CDKN2A: variants seen among roughly 807,000 people sequenced by gnomAD.
CDKN2A encodes cyclin-dependent kinase inhibitor 2A.
A neutral mutation model predicts 11.1 loss-of-function variants in CDKN2A; 3 were observed. The observed-to-expected ratio is 0.27, with a 90% CI of 0.12 to 0.70. CDKN2A has a LOEUF of 0.70. Ranked by LOEUF, CDKN2A falls within the 30% of genes least tolerant of loss-of-function variation. The pLI, the probability that CDKN2A is intolerant of heterozygous loss-of-function variation, is 0.77. For missense variants in CDKN2A, 265 were observed against 233.6 expected (o/e 1.13, Z -0.88); for synonymous variants, 122 against 108.1 (o/e 1.13, Z -0.80).
intron 2 of CDKN2A, chr9:21,992,096 T>C (rs1362963870): frequency 2.3e-6 from 2 of 866,294 alleles, no homozygotes; most frequent in African/African-American, 1.8e-5. Flanking sequence ...TTTCCAATCA[T>C]ATAAAAATAA....
At chr9:21,974,991 G>A, upstream of CDKN2A, 1 of 1,389,144 alleles carries the variant, frequency 7.2e-7, no homozygotes, top group South Asian at 1.7e-5. This position sits in a 1 kb window ranked among gnomAD's most constrained non-coding sequence, Gnocchi z 5.2. Context: ...TGGAGGGACC[G>A]CGGTATCTTT....
chr9:21,974,638 G>A lies in CDKN2A; in HGVS notation c.150+40C>T, dbSNP rs1057517604. ...CCTGCAAACTTCGTCCTCCAGAGTC[G>A]CCCGCCATCCCCTGCTCCCGCTGCA... On this transcript the variant is annotated intron_variant, in intron 1 of 2. Coordinates refer to ENST00000304494, the MANE Select transcript of CDKN2A (RefSeq NM_000077.5). This position sits in a 1 kb window ranked among gnomAD's most constrained non-coding sequence, Gnocchi z 5.2. 3.1e-6 allele frequency: 5 copies of A among 1,614,118 alleles called. No homozygotes were observed. Among genetic ancestry groups the A allele is most frequent in the Non-Finnish European group, 4.2e-6 (5 of 1,180,020 alleles).
At chr9:21,994,613 G>A (rs147349938) in intron 1 of CDKN2A, 2 of 558,224 alleles carry the variant, frequency 3.6e-6, no homozygotes, top group East Asian at 7.6e-5. Context: ...CGCCCGTAGG[G>A]AGGCGCGCGC....
At chr9:21,983,581 C>G (rs939888412) in intron 2 of CDKN2A, among the ~76,000 whole-genome samples, 1 of 151,930 alleles carries the variant, frequency 6.6e-6, no homozygotes, top group Non-Finnish European at 1.5e-5. Context: ...GTAGAAGGCT[C>G]TTGAATATAT....
Position 21,968,349 on chromosome 9 carries a change from G to C in CDKN2A, c.458-107C>G, listed in dbSNP as rs1176787238. ...CCCTACCGGCATTGAAATACTTATG[G>C]ATAAAGTTCTCGCAATGGCTTCACG... On this transcript the variant is annotated intron_variant, in intron 2 of 2. Transcript: ENST00000304494. The surrounding 1 kb of genome is among the most constrained non-coding windows in gnomAD (Gnocchi z 4.7). The C allele has an allele frequency of 3.9e-6, 6 of 1,526,516 alleles. No individual in the cohort carries two copies. The highest frequency in any genetic ancestry group is 1.4e-5 in the African/African-American group (1 of 73,202). The allele number at this position is 1,526,516 out of a possible 1,614,324, so 94.6% of individuals were successfully genotyped here. A position where few individuals can be genotyped will look rare whatever the true frequency, so the allele number is the denominator to read the frequency against.
rs1467009238 is a variant in CDKN2A at position 21,974,304 on chromosome 9, G to A, written c.150+374C>T. On this transcript the variant is annotated intron_variant, in intron 1 of 2. Transcript: ENST00000304494. This position sits in a 1 kb window ranked among gnomAD's most constrained non-coding sequence, Gnocchi z 5.2. ...AAAGATAAGCTCCATCCAGGTATCT[G>A]TGAATTGGAGGCTAAGTAGTCCCAG... 2.7e-5 allele frequency: 25 copies of A among 920,314 alleles called. No homozygotes were observed. Among genetic ancestry groups the A allele is most frequent in the Non-Finnish European group, 3.5e-5 (23 of 656,226 alleles). The allele number at this position is 920,314 out of a possible 1,614,324, so 57.0% of individuals were successfully genotyped here.
chr9:21,968,205 T>A lies in CDKN2A; in HGVS notation c.*24A>T, dbSNP rs752197727. On this transcript the variant is annotated 3_prime_UTR_variant, in exon 3 of 3. Transcript: ENST00000304494. The surrounding 1 kb of genome is among the most constrained non-coding windows in gnomAD (Gnocchi z 4.7). ...GACTGATGATCTAAGTTTCCCGAGGTTTCTCAGAGCCTCTCTGGTTCTTTC... is the reference window on the plus strand; with the variant it reads ...GACTGATGATCTAAGTTTCCCGAGGATTCTCAGAGCCTCTCTGGTTCTTTC... 9.3e-6 allele frequency: 15 copies of A among 1,609,090 alleles called. No homozygotes were observed. Among genetic ancestry groups the A allele is most frequent in the Non-Finnish European group, 1.3e-5 (15 of 1,178,082 alleles).
At chr9:21,985,846 T>A (rs774371240) in intron 2 of CDKN2A, among the ~76,000 whole-genome samples, 1 of 151,940 alleles carries the variant, frequency 6.6e-6, no homozygotes. Flanking sequence ...TCTGAATACA[T>A]AAATATATTT....
At chr9:21,971,431 C>A (rs138233963) in intron 1 of CDKN2A, 9 of 1,399,326 alleles carry the variant, frequency 6.4e-6, no homozygotes, top group South Asian at 1.5e-5. Flanking sequence ...GCGGAGCTGT[C>A]GTCACAGGCA....
intron 2 of CDKN2A, among the ~76,000 whole-genome samples, chr9:21,992,843 A>G (rs947141405): frequency 2.0e-5 from 3 of 152,172 alleles, no homozygotes; most frequent in African/African-American, 7.2e-5. Context: ...ACTGTTAAAA[A>G]AAACAACAAC....
intron 1 of CDKN2A, chr9:21,971,501 C>A (rs1308327974): frequency 1.8e-6 from 1 of 571,028 alleles, no homozygotes; most frequent in Non-Finnish European, 2.8e-6. Flanking sequence ...GACTTTTACT[C>A]CAGGCTAACT....
upstream of CDKN2A, among the ~76,000 whole-genome samples, chr9:21,977,936 A>G (rs1018866191): frequency 2.0e-5 from 3 of 152,278 alleles, no homozygotes; most frequent in Admixed American, 1.3e-4. Context: ...ATGCAACCAT[A>G]TAAAAACAAC....
At chr9:21,986,428 G>A (rs1587351161) in intron 2 of CDKN2A, among the ~76,000 whole-genome samples, 1 of 151,852 alleles carries the variant, frequency 6.6e-6, no homozygotes, top group African/African-American at 2.4e-5. Flanking sequence ...GTATAGTAGA[G>A]GCCCAAAGGG....
Position 21,971,016 on chromosome 9 carries a change from C to A in CDKN2A, c.343G>T (p.Val115Leu), listed in dbSNP as rs779913365. ...TGGCCCAGCTCCTCAGCCAGGTCCA[C>A]GGGCAGACGGCCCCAGGCATCGCGC... Reference protein sequence around the residue: ...DVRDAWGRLPVDLAEELGHRD... With the variant: ...DVRDAWGRLPLDLAEELGHRD... Residue 115 changes from valine (V) to leucine (L), a missense_variant, in exon 2 of 3, where the codon GTG becomes TTG. Physicochemically the swap from Val to Leu is conservative, Grantham distance 32. Coordinates refer to ENST00000304494, the MANE Select transcript of CDKN2A (RefSeq NM_000077.5). The A allele has an allele frequency of 2.0e-5, 32 of 1,607,650 alleles. No individual in the cohort carries two copies. In the East Asian group the frequency reaches 4.5e-4, roughly 22 times the overall value.
rs780207215 is a variant in CDKN2A, at chr9:21,974,857, C to T, written c.-30G>A. ...CTCCCCGCCGCCCGCTGCCTGCTCT[C>T]CCCCTCTCCGCAGCCGCCGAGCGCA... On this transcript the variant is annotated 5_prime_UTR_variant, in exon 1 of 3. Transcript: ENST00000304494. The surrounding 1 kb of genome is among the most constrained non-coding windows in gnomAD (Gnocchi z 5.2). 109 of 1,523,162 alleles carry T rather than the reference C, an allele frequency of 7.2e-5. No individual in the cohort carries two copies. Among genetic ancestry groups the T allele is most frequent in the Non-Finnish European group, 9.4e-5 (107 of 1,142,978 alleles). 94.4% of individuals were successfully genotyped at this position (1,523,162 alleles called of 1,614,324 possible).
intron 2 of CDKN2A, chr9:21,993,799 CTG>C (rs71336508): frequency 0.071 from 17,598 of 246,430 alleles, 442 homozygotes; most frequent in East Asian, 0.11. Context: ...ACCTTTCCTA[CTG>C]TGTGTGTGTG....
chr9:21,991,842 T>C lies in CDKN2A; in HGVS notation c.-4+2040A>G. 1 of 985,200 alleles carries C rather than the reference T, an allele frequency of 1.0e-6. No individual in the cohort carries two copies. Among genetic ancestry groups the C allele is most frequent in the Non-Finnish European group, 1.2e-6 (1 of 829,694 alleles). 61.0% of individuals were successfully genotyped at this position (985,200 alleles called of 1,614,324 possible). ...GGAACACAATACAAACTGTGAATCA[T>C]GTACACATGGGGAATAATGGTTTAT... is the stretch of plus-strand genomic sequence containing the variant. On this transcript the variant is annotated intron_variant, in intron 2 of 3. Transcript: ENST00000494262. This position sits in a 1 kb window ranked among gnomAD's most constrained non-coding sequence, Gnocchi z 5.2.
intron 2 of CDKN2A, among the ~76,000 whole-genome samples, chr9:21,993,110 T>G (rs975598651): frequency 4.6e-5 from 7 of 152,180 alleles, no homozygotes; most frequent in African/African-American, 1.7e-4. Context: ...AAAAAATAAT[T>G]ACCCCTCCGC....
Position 21,970,000 on chromosome 9 carries a change from A to G in CDKN2A, c.457+902T>C, listed in dbSNP as rs563771334. ...TCTGGGCCAAAATAAGATGGATTTC[A>G]TAATCTTCAAGGTCATGTTTTACCT... On this transcript the variant is annotated intron_variant, in intron 2 of 2. Coordinates refer to ENST00000304494, the MANE Select transcript of CDKN2A (RefSeq NM_000077.5). Among the ~76,000 whole-genome samples, 200 of 152,266 alleles carry G rather than the reference A, an allele frequency of 1.3e-3. 1 individual carries two copies. Among genetic ancestry groups the G allele is most frequent in the South Asian group, 8.3e-4 (4 of 4,828 alleles).
Sources: allele counts gnomAD v4.1 joint callset (sites outside exome capture counted in the v4.1 genomes callset), GRCh38; gene constraint gnomAD v4.1.1; non-coding constraint Gnocchi (gnomAD v3.1); transcripts MANE v1.5; gene names NCBI Gene and HGNC (gene_info 2026-07-23, HGNC 2026-07-21).